Variants in PCDHGB4 observed in about 807,000 individuals in gnomAD.
PCDHGB4 encodes protocadherin gamma-B4.
PCDHGB4 carries 38 observed loss-of-function variants against 60.5 expected under a neutral mutation model. The ratio of observed to expected loss-of-function variants is 0.63; its 90% confidence interval spans 0.48 to 0.82. The LOEUF is 0.82. Among genes scored for constraint, PCDHGB4 ranks in the 40% least tolerant of loss-of-function variants. The probability of loss-of-function intolerance (pLI) is 0.00; values close to 1 mark genes in which losing one functional copy is unlikely to be tolerated. For synonymous variants in PCDHGB4, 456 were observed against 509.7 expected (o/e 0.89, Z 1.42); for missense variants, 1,109 against 1,209.6 (o/e 0.92, Z 1.23).
At chr5:141,465,229 A>G (rs1010075158) in intron 1 of PCDHGB4, among the ~76,000 whole-genome samples, 6 of 152,208 alleles carry the variant, frequency 3.9e-5, no homozygotes, top group Non-Finnish European at 2.9e-5. Flanking sequence ...CATGAGCTCC[A>G]TCAAGTTCAA....
chr5:141,408,437 G>A (rs368564960), intron 1 of PCDHGB4: 1 of 1,614,068 alleles, frequency 6.2e-7, no homozygotes, highest in Admixed American at 1.7e-5. Flanking sequence ...CAGCGTAGAC[G>A]CGGAGAGCGG....
intron 1 of PCDHGB4, chr5:141,400,548 T>C: frequency 6.2e-7 from 1 of 1,613,656 alleles, no homozygotes; most frequent in South Asian, 1.1e-5. Context: ...ATGTCTATTC[T>C]TTTTCATTAC....
chr5:141,417,550 A>G, intron 1 of PCDHGB4: 1 of 326,094 alleles, frequency 3.1e-6, no homozygotes, highest in Non-Finnish European at 5.5e-6. Flanking sequence ...ATTCCTTGAA[A>G]GAGGTAGAGA....
intron 1 of PCDHGB4, chr5:141,404,337 C>A (rs766940096): frequency 6.2e-6 from 10 of 1,613,902 alleles, no homozygotes; most frequent in Middle Eastern, 3.3e-4. Flanking sequence ...GTCTACCTCC[C>A]GGAAAACAAC....
At chr5:141,469,804 T>C (rs1433459377) in intron 1 of PCDHGB4, among the ~76,000 whole-genome samples, 1 of 152,060 alleles carries the variant, frequency 6.6e-6, no homozygotes, top group Non-Finnish European at 1.5e-5. Context: ...TGCAAAAACA[T>C]TGTAGATAGA....
Position 141,447,603 on chromosome 5 carries a change from T to G in PCDHGB4, c.2398-47204T>G, listed in dbSNP as rs146950525. On this transcript the variant is annotated intron_variant, in intron 1 of 3. Transcript: ENST00000519479. ...ATACCTTAAACATCCTATAGAGTCC[T>G]TAGCATTTTAAAGTTGAAACCAACA... Among the ~76,000 whole-genome samples, 378 of 152,270 alleles carry G rather than the reference T, an allele frequency of 2.5e-3. 1 individual carries two copies. Among genetic ancestry groups the G allele is most frequent in the Non-Finnish European group, 4.5e-3 (309 of 68,030 alleles).
intron 1 of PCDHGB4, chr5:141,394,883 A>G (rs370442493): frequency 1.2e-6 from 2 of 1,611,604 alleles, no homozygotes; most frequent in African/African-American, 2.7e-5. Context: ...CGAGCCTTAC[A>G]CTCTATCTCG....
intron 1 of PCDHGB4, chr5:141,404,048 ATTC>A (rs1247713760): frequency 1.9e-6 from 3 of 1,613,866 alleles, no homozygotes; most frequent in South Asian, 1.1e-5. Flanking sequence ...GGGAACAGTA[ATTC>A]TTCTTTTCAA....
chr5:141,434,747 C>T (rs2097714000), intron 1 of PCDHGB4, among the ~76,000 whole-genome samples: 1 of 151,606 alleles, frequency 6.6e-6, no homozygotes, highest in South Asian at 2.1e-4. Flanking sequence ...GCTATGAGAC[C>T]CCTGATTCCC....
chr5:141,491,254 G>A lies in PCDHGB4; in HGVS notation c.2398-3553G>A, dbSNP rs746242389. ...GCTGGTTCTGGAGGATGAGGACCCT[G>A]AGGAAATGCCCAAATCCAGTGACTT... is the stretch of plus-strand genomic sequence containing the variant. On this transcript the variant is annotated intron_variant, in intron 1 of 3. Coordinates refer to ENST00000519479, the MANE Select transcript of PCDHGB4 (RefSeq NM_003736.4). This position sits in a 1 kb window ranked among gnomAD's most constrained non-coding sequence, Gnocchi z 6.9. 24 of 1,614,198 alleles carry A rather than the reference G, an allele frequency of 1.5e-5. No individual in the cohort carries two copies. The highest frequency in any genetic ancestry group is 2.0e-5 in the Non-Finnish European group (24 of 1,180,018).
chr5:141,406,186 C>T (rs1263856724), intron 1 of PCDHGB4, among the ~76,000 whole-genome samples: 2 of 151,978 alleles, frequency 1.3e-5, no homozygotes, highest in South Asian at 2.1e-4. Context: ...AATCCTCCCA[C>T]CTCAGCCTTC....
chr5:141,491,071 C>T lies in PCDHGB4; in HGVS notation c.2398-3736C>T, dbSNP rs987564933. 1 of 1,614,152 alleles carries T rather than the reference C, an allele frequency of 6.2e-7. No individual in the cohort carries two copies. Among genetic ancestry groups the T allele is most frequent in the Non-Finnish European group, 8.5e-7 (1 of 1,180,028 alleles). ...TGCGTGGCTCTCCTACTCACTGTTGCCACAGTCCACAGCCCCAGGACTGTT... is the reference window on the plus strand; with the variant it reads ...TGCGTGGCTCTCCTACTCACTGTTGTCACAGTCCACAGCCCCAGGACTGTT... On this transcript the variant is annotated intron_variant, in intron 1 of 3. Transcript: ENST00000519479. This position sits in a 1 kb window ranked among gnomAD's most constrained non-coding sequence, Gnocchi z 6.9.
chr5:141,432,335 C>T lies in PCDHGB4; in HGVS notation c.2397+42054C>T, dbSNP rs146691720. On this transcript the variant is annotated intron_variant, in intron 1 of 3. Coordinates refer to ENST00000519479, the MANE Select transcript of PCDHGB4 (RefSeq NM_003736.4). This position sits in a 1 kb window ranked among gnomAD's most constrained non-coding sequence, Gnocchi z 6.0. ...GAGCTCCTTCGACTACGAGCAGTTC[C>T]GAGACTTGCAAGTGAAAGTGATGGC... 2.6e-5 allele frequency: 42 copies of T among 1,614,126 alleles called. No individual in the cohort carries two copies. Among genetic ancestry groups the T allele is most frequent in the African/African-American group, 1.2e-4 (9 of 74,940 alleles).
At position 141,431,633 on chromosome 5, in the gene PCDHGB4, T is replaced by G; in HGVS notation, c.2397+41352T>G. On this transcript the variant is annotated intron_variant, in intron 1 of 3. Coordinates refer to ENST00000519479, the MANE Select transcript of PCDHGB4 (RefSeq NM_003736.4). This position sits in a 1 kb window ranked among gnomAD's most constrained non-coding sequence, Gnocchi z 4.8. Reference sequence around the variant, plus strand: ...TGTGGACGACAAGGCGGCCCAAGTTTTCAAACTAGATTGTAATTCAGGGAC... The same window carrying G: ...TGTGGACGACAAGGCGGCCCAAGTTGTCAAACTAGATTGTAATTCAGGGAC... 6.2e-7 allele frequency: 1 copy of G among 1,614,240 alleles called. No individual in the cohort carries two copies. Among genetic ancestry groups the G allele is most frequent in the Non-Finnish European group, 8.5e-7 (1 of 1,180,048 alleles).
intron 3 of PCDHGB4, among the ~76,000 whole-genome samples, chr5:141,506,320 G>A (rs1054880362): frequency 8.6e-5 from 13 of 151,966 alleles, no homozygotes; most frequent in South Asian, 8.3e-4. Flanking sequence ...ATGGTGGTGC[G>A]TGCCTGTAGT....
chr5:141,436,120 TC>T (rs2154556955), intron 1 of PCDHGB4, among the ~76,000 whole-genome samples: 1 of 152,344 alleles, frequency 6.6e-6, no homozygotes, highest in South Asian at 2.1e-4. Context: ...GAAACCTCTC[TC>T]CTCCATCATC....
At chr5:141,405,868 C>T (rs528188485) in intron 1 of PCDHGB4, among the ~76,000 whole-genome samples, 1 of 152,280 alleles carries the variant, frequency 6.6e-6, no homozygotes, top group Non-Finnish European at 1.5e-5. Context: ...TCACTTTTCA[C>T]TGGGCCTAAT....
rs1002764667 is a variant in PCDHGB4, at chr5:141,468,260, G to A, written c.2398-26547G>A. 4.0e-5 allele frequency among the ~76,000 whole-genome samples: 6 copies of A among 150,102 alleles called. No homozygotes were observed. The East Asian group carries it at 1.2e-3, about 30-fold the overall frequency. ...GAATTGCCTGAACCTGGGAGGCAGA[G>A]GTTGTGGTGAGCCGAGACCACGCCA... On this transcript the variant is annotated intron_variant, in intron 1 of 3. Coordinates refer to ENST00000519479, the MANE Select transcript of PCDHGB4 (RefSeq NM_003736.4).
intron 1 of PCDHGB4, chr5:141,410,663 T>C (rs2095415377): frequency 6.4e-7 from 1 of 1,570,102 alleles, no homozygotes; most frequent in Non-Finnish European, 8.6e-7. Flanking sequence ...AATAGTCTAC[T>C]AGTTTCTCAT....
Sources: gnomAD v4.1 joint callset for allele counts (sites outside exome capture counted in the v4.1 genomes callset) on GRCh38, gnomAD v4.1.1 for gene constraint, Gnocchi (gnomAD v3.1) non-coding constraint, MANE v1.5 for transcripts, NCBI Gene and HGNC (gene_info 2026-07-23, HGNC 2026-07-21) for gene names.